The following TMIGD3 variants were observed in gnomAD, a reference collection of about 807,000 sequenced individuals.
The protein encoded by TMIGD3 is transmembrane and immunoglobulin domain containing 3, also known as AD026 protein (AD026).
TMIGD3 carries 21 observed loss-of-function variants against 28.1 expected under a neutral mutation model. That is an observed-to-expected ratio of 0.75 (90% CI 0.53 to 1.08). The LOEUF is 1.08. Among genes scored for constraint, TMIGD3 ranks in the 50% least tolerant of loss-of-function variants. The probability of loss-of-function intolerance (pLI) is 0.00; values close to 1 mark genes in which losing one functional copy is unlikely to be tolerated. For synonymous variants in TMIGD3, 151 were observed against 162.1 expected, an observed-to-expected ratio of 0.93 and a Z score of 0.52; for missense variants, 416 against 435.6, an observed-to-expected ratio of 0.96 and a Z score of 0.40.
At chr1:111,537,767 C>T (rs1392502476) in intron 1 of TMIGD3, among the ~76,000 whole-genome samples, 1 of 152,132 alleles carries the variant, frequency 6.6e-6, no homozygotes. Context: ...CTTATTTTAC[C>T]AAGCCTGAAG....
intron 1 of TMIGD3, among the ~76,000 whole-genome samples, chr1:111,560,960 A>G (rs914117771): frequency 6.6e-6 from 1 of 152,236 alleles, no homozygotes; most frequent in Non-Finnish European, 1.5e-5. Context: ...TCCAGAAGTC[A>G]GGTGAAAGAG....
chr1:111,528,228 A>G (rs1013514146), intron 1 of TMIGD3, among the ~76,000 whole-genome samples: 1 of 152,096 alleles, frequency 6.6e-6, no homozygotes, highest in African/African-American at 2.4e-5. Context: ...TTGCATGTGG[A>G]TGTCATTTGC....
At chr1:111,527,791 A>T (rs1013981208) in intron 1 of TMIGD3, among the ~76,000 whole-genome samples, 3 of 152,132 alleles carry the variant, frequency 2.0e-5, no homozygotes, top group Non-Finnish European at 4.4e-5. Context: ...TGCCATCCTT[A>T]TATCATCTTT....
chr1:111,515,355 G>A (rs1369680803), intron 1 of TMIGD3, among the ~76,000 whole-genome samples: 4 of 152,164 alleles, frequency 2.6e-5, no homozygotes, highest in Admixed American at 2.6e-4. Flanking sequence ...CTTCTCTTGC[G>A]CCTTGGGGAA....
chr1:111,514,182 A>G (rs1052567805), intron 1 of TMIGD3, among the ~76,000 whole-genome samples: 2 of 152,234 alleles, frequency 1.3e-5, no homozygotes, highest in African/African-American at 4.8e-5. Flanking sequence ...GCTCGTAGAA[A>G]GCAATAGGTG....
intron 1 of TMIGD3, among the ~76,000 whole-genome samples, chr1:111,545,325 T>C (rs1263381751): frequency 6.6e-6 from 1 of 152,136 alleles, no homozygotes; most frequent in African/African-American, 2.4e-5. Context: ...CTGGTGGATG[T>C]GAAGTGGTAT....
rs1241019083 is a variant in TMIGD3 at position 111,483,434 on chromosome 1, A to G, written c.*253T>C. The G allele has an allele frequency of 2.3e-6, 1 of 430,526 alleles. No individual in the cohort carries two copies. The highest frequency in any genetic ancestry group is 4.5e-5 in the East Asian group (1 of 22,384). 26.7% of individuals were successfully genotyped at this position (430,526 alleles called of 1,614,324 possible). On this transcript the variant is annotated 3_prime_UTR_variant, in exon 6 of 6. Coordinates refer to ENST00000369716, the MANE Select transcript of TMIGD3 (RefSeq NM_020683.7). Reference sequence around the variant, plus strand: ...AATCCAGATTCTCCACCTCTTCTTCACTTCTGACTGATGGAATGCATAAGA... The same window carrying G: ...AATCCAGATTCTCCACCTCTTCTTCGCTTCTGACTGATGGAATGCATAAGA...
chr1:111,549,523 G>A (rs971824105), intron 1 of TMIGD3, among the ~76,000 whole-genome samples: 7 of 151,746 alleles, frequency 4.6e-5, no homozygotes, highest in South Asian at 4.2e-4. Flanking sequence ...GGTGGCATGC[G>A]CCTGTAGTCC....
At chr1:111,483,851 G>A in intron 5 of TMIGD3, 94 bp from the exon 6 acceptor site, 1 of 915,738 alleles carries the variant, frequency 1.1e-6, no homozygotes, top group Non-Finnish European at 1.8e-6. Context: ...CTCTGTCATG[G>A]GGCTTTCATG....
intron 1 of TMIGD3, among the ~76,000 whole-genome samples, chr1:111,522,683 T>C (rs1219770453): frequency 6.6e-6 from 1 of 151,818 alleles, no homozygotes; most frequent in Admixed American, 6.6e-5. Flanking sequence ...TGCCCAGCTA[T>C]TTTTTTGTAC....
chr1:111,502,837 A>G (rs1488283498), intron 1 of TMIGD3, among the ~76,000 whole-genome samples, 168 bp downstream of exon 1: 1 of 152,024 alleles, frequency 6.6e-6, no homozygotes, highest in Non-Finnish European at 1.5e-5. Context: ...GTCCCAGCCC[A>G]TTGTTGCTAA....
At chr1:111,531,569 G>A (rs939032590) in intron 1 of TMIGD3, among the ~76,000 whole-genome samples, 1 of 152,066 alleles carries the variant, frequency 6.6e-6, no homozygotes, top group Non-Finnish European at 1.5e-5. Context: ...TCATTTCTGG[G>A]TCTGCTTCTT....
upstream of TMIGD3, among the ~76,000 whole-genome samples, chr1:111,507,531 C>T (rs1281609258): frequency 6.6e-6 from 1 of 152,152 alleles, no homozygotes; most frequent in Non-Finnish European, 1.5e-5. Context: ...TCCTTTGCAG[C>T]TTCTCAGAAA....
chr1:111,561,848 A>G (rs1465576437), intron 1 of TMIGD3, among the ~76,000 whole-genome samples: 1 of 152,040 alleles, frequency 6.6e-6, no homozygotes, highest in Non-Finnish European at 1.5e-5. Flanking sequence ...TCCCACGGCT[A>G]TAGTCCTAAC....
chr1:111,514,780 A>T (rs1655805755), intron 1 of TMIGD3, among the ~76,000 whole-genome samples: 1 of 152,142 alleles, frequency 6.6e-6, no homozygotes, highest in Non-Finnish European at 1.5e-5. Flanking sequence ...GTAACACTCC[A>T]GGGCTCTCTC....
chr1:111,522,763 G>C (rs546928143), intron 1 of TMIGD3, among the ~76,000 whole-genome samples: 87 of 152,088 alleles, frequency 5.7e-4, no homozygotes, highest in African/African-American at 2.0e-3. Flanking sequence ...TGATCTGCCC[G>C]CCTCGGCCTC....
At chr1:111,518,697 T>C (rs1655948987) in intron 1 of TMIGD3, among the ~76,000 whole-genome samples, 1 of 152,178 alleles carries the variant, frequency 6.6e-6, no homozygotes, top group South Asian at 2.1e-4. Context: ...TACATCATGC[T>C]CTCTCCTAGT....
chr1:111,499,869 T>C, intron 1 of TMIGD3: 1 of 1,551,782 alleles, frequency 6.4e-7, no homozygotes. Flanking sequence ...AAAAATCCCT[T>C]GGCCCAGGCA....
At chr1:111,483,836 C>T in intron 5 of TMIGD3, 79 bp from the exon 6 acceptor site, 1 of 1,176,544 alleles carries the variant, frequency 8.5e-7, no homozygotes, top group South Asian at 1.3e-5. Flanking sequence ...AGCAAAAGTT[C>T]CAAACTCTGT....
Sources: allele counts gnomAD v4.1 joint callset (sites outside exome capture counted in the v4.1 genomes callset), GRCh38; gene constraint gnomAD v4.1.1; transcripts MANE v1.5; gene names NCBI Gene and HGNC (gene_info 2026-07-23, HGNC 2026-07-21).